WDR20: variants seen among roughly 807,000 people sequenced by gnomAD.
WDR20 encodes the protein WD repeat-containing protein 20.
Under a neutral mutation model 38.7 loss-of-function variants are expected in WDR20, and 3 were observed. The observed-to-expected ratio is 0.08, with a 90% CI of 0.04 to 0.20. The LOEUF is 0.20. WDR20 is among the 10% of genes least tolerant of loss of function. The pLI is 1.00. For missense variants in WDR20, 559 were observed against 727.7 expected (o/e 0.77, Z 2.67); for synonymous variants, 298 against 285.6 (o/e 1.04, Z -0.44).
At chr14:102,187,298 G>C (rs1435307665) in intron 1 of WDR20, among the ~76,000 whole-genome samples, 2 of 152,178 alleles carry the variant, frequency 1.3e-5, no homozygotes, top group East Asian at 3.8e-4. Flanking sequence ...GTTTTTAAAA[G>C]GAGCTGGACT....
At chr14:102,145,053 A>G (rs867230303) in intron 1 of WDR20, among the ~76,000 whole-genome samples, 1 of 152,148 alleles carries the variant, frequency 6.6e-6, no homozygotes, top group Admixed American at 6.5e-5. Context: ...TGATGATCCA[A>G]CTGTGCCTTC....
intron 1 of WDR20, among the ~76,000 whole-genome samples, chr14:102,173,698 C>G (rs971736612): frequency 2.6e-5 from 4 of 151,934 alleles, no homozygotes; most frequent in African/African-American, 7.2e-5. Flanking sequence ...GCTTAGCTCC[C>G]ACTTACAAGT....
chr14:102,198,760 C>A (rs1206521179), intron 2 of WDR20, among the ~76,000 whole-genome samples: 1 of 152,092 alleles, frequency 6.6e-6, no homozygotes, highest in Non-Finnish European at 1.5e-5. Context: ...ACCCTGGCTG[C>A]TTTTTGGAGA....
At chr14:102,179,905 C>A (rs2063003214) in intron 1 of WDR20, among the ~76,000 whole-genome samples, 1 of 152,174 alleles carries the variant, frequency 6.6e-6, no homozygotes, top group Admixed American at 6.5e-5. Flanking sequence ...GTAATCCCAG[C>A]ACTTTATGAG....
chr14:102,176,579 G>A (rs1213020170), intron 1 of WDR20, among the ~76,000 whole-genome samples: 1 of 151,800 alleles, frequency 6.6e-6, no homozygotes, highest in African/African-American at 2.4e-5. Flanking sequence ...TTACATCTCC[G>A]TTCGTCAGGG....
At chr14:102,171,920 AATTTTT>A (rs1287502212) in intron 1 of WDR20, among the ~76,000 whole-genome samples, 1 of 135,518 alleles carries the variant, frequency 7.4e-6, no homozygotes, top group African/African-American at 2.7e-5. Flanking sequence ...TTTTTTTTTT[AATTTTT>A]ATTTTTATTG....
intron 2 of WDR20, among the ~76,000 whole-genome samples, chr14:102,195,372 C>T (rs1174039028): frequency 6.6e-6 from 1 of 152,084 alleles, no homozygotes; most frequent in Admixed American, 6.5e-5. Flanking sequence ...TAAAACTCTT[C>T]TATAATGGAG....
In WDR20 at chr14:102,203,607, C is replaced by T. The variant is rs552061194; in HGVS notation, c.433-4996C>T. 4.6e-5 allele frequency among the ~76,000 whole-genome samples: 7 copies of T among 152,278 alleles called. No homozygotes were observed. The East Asian group carries it at 1.4e-3, about 29-fold the overall frequency. On this transcript the variant is annotated intron_variant, in intron 2 of 2. Coordinates refer to ENST00000342702, the MANE Select transcript of WDR20 (RefSeq NM_144574.4). ...ATGCCACACATGGCCTGGATCCCCACCCCCCTGGCCTGCTGTGTTGGCTGG... is the reference window on the plus strand; with the variant it reads ...ATGCCACACATGGCCTGGATCCCCATCCCCCTGGCCTGCTGTGTTGGCTGG...
downstream of WDR20, chr14:102,213,294 CTTT>C (rs1434013264): frequency 1.0e-6 from 1 of 985,336 alleles, no homozygotes; most frequent in Non-Finnish European, 1.2e-6. Flanking sequence ...AGCTTGCCTT[CTTT>C]TAAAAGCAAA....
intron 2 of WDR20, among the ~76,000 whole-genome samples, chr14:102,205,943 C>T (rs1163988738): frequency 1.3e-5 from 2 of 152,044 alleles, no homozygotes; most frequent in African/African-American, 4.8e-5. Context: ...TAAGTTACAT[C>T]CATGTGTCTA....
rs560173009 is a variant in WDR20, at chr14:102,193,336, G to A, written c.250-1602G>A. 225 of 898,684 alleles carry A rather than the reference G, an allele frequency of 2.5e-4. 1 individual carries two copies. Among genetic ancestry groups the A allele is most frequent in the Admixed American group, 1.1e-3 (50 of 47,230 alleles). The allele number at this position is 898,684 out of a possible 1,614,324, so 55.7% of individuals were successfully genotyped here. ...CCTTCAGCCTGCCTTGCTGTACAGC[G>A]GCCGCTCCCCTCCACTGGCCGCTTT... On this transcript the variant is annotated intron_variant, in intron 1 of 2. Transcript: ENST00000342702.
downstream of WDR20, among the ~76,000 whole-genome samples, chr14:102,219,776 C>T (rs1264172160): frequency 6.6e-6 from 1 of 152,240 alleles, no homozygotes; most frequent in Non-Finnish European, 1.5e-5. Context: ...TTAACCAGGG[C>T]TGCCATCAAA....
intron 1 of WDR20, among the ~76,000 whole-genome samples, chr14:102,179,471 T>TG (rs1405658954): frequency 6.8e-6 from 1 of 147,388 alleles, no homozygotes; most frequent in Non-Finnish European, 1.5e-5. Context: ...AAAAAAGAAA[T>TG]GGGGTCTCAC....
At position 102,157,527 on chromosome 14, in the gene WDR20, A is replaced by G. The variant is rs192410917; in HGVS notation, c.249+17355A>G. Among the ~76,000 whole-genome samples, 63 of 152,128 alleles carry G rather than the reference A, an allele frequency of 4.1e-4. 1 individual carries two copies. Among genetic ancestry groups the G allele is most frequent in the Middle Eastern group, 3.4e-3 (1 of 294 alleles). On this transcript the variant is annotated intron_variant, in intron 1 of 2. Coordinates refer to ENST00000342702, the MANE Select transcript of WDR20 (RefSeq NM_144574.4). ...TCTTCCTGATCATTCTTGCTGCCCT[A>G]ACTAGAGGGCAGAATACAAGAACCA...
intron 1 of WDR20, among the ~76,000 whole-genome samples, chr14:102,186,233 G>A (rs911126754): frequency 6.6e-6 from 1 of 152,188 alleles, no homozygotes; most frequent in African/African-American, 2.4e-5. Flanking sequence ...GGATTGTGTG[G>A]GTCTTTCCAT....
intron 2 of WDR20, chr14:102,197,609 G>A (rs1009121602): frequency 5.6e-5 from 33 of 590,134 alleles, no homozygotes; most frequent in Non-Finnish European, 1.8e-5. Context: ...GTCAGAGTTC[G>A]AAGCTGGAAA....
chr14:102,176,140 A>G (rs1421786078), intron 1 of WDR20, among the ~76,000 whole-genome samples: 1 of 152,202 alleles, frequency 6.6e-6, no homozygotes, highest in Non-Finnish European at 1.5e-5. Flanking sequence ...CACGCCTGTA[A>G]TCTCAGCACT....
downstream of WDR20, among the ~76,000 whole-genome samples, chr14:102,224,037 A>G (rs374579661): frequency 8.1e-6 from 1 of 123,124 alleles, no homozygotes; most frequent in African/African-American, 3.1e-5. Context: ...TTTACCTGAG[A>G]TTTTTTTTTT....
chr14:102,154,226 T>C (rs1192376786), intron 1 of WDR20, among the ~76,000 whole-genome samples: 3 of 152,202 alleles, frequency 2.0e-5, no homozygotes, highest in Non-Finnish European at 4.4e-5. Context: ...CAGACTACTG[T>C]AACACAATAC....
Sources: allele counts gnomAD v4.1 joint callset (sites outside exome capture counted in the v4.1 genomes callset), GRCh38; gene constraint gnomAD v4.1.1; transcripts MANE v1.5; gene names NCBI Gene and HGNC (gene_info 2026-07-23, HGNC 2026-07-21).